The following GTPBP4 variants were observed in gnomAD, a reference collection of about 807,000 sequenced individuals.
GTPBP4 encodes GTP binding protein 4.
A neutral mutation model predicts 81.7 loss-of-function variants in GTPBP4; 15 were observed. The observed-to-expected ratio is 0.18, with a 90% confidence interval of 0.12 to 0.28. The LOEUF is 0.28. Ranked by LOEUF, GTPBP4 falls within the 10% of genes least tolerant of loss-of-function variation. The pLI, the probability that GTPBP4 is intolerant of heterozygous loss-of-function variation, is 1.00. For synonymous variants in GTPBP4, 272 were observed against 274.6 expected (o/e 0.99, Z 0.09); for missense variants, 847 against 793.8 (o/e 1.07, Z -0.81).
At chr10:994,770 A>G (rs1476607340) in intron 2 of GTPBP4, among the ~76,000 whole-genome samples, 1 of 152,222 alleles carries the variant, frequency 6.6e-6, no homozygotes, top group African/African-American at 2.4e-5. Context: ...AGCCAGGACT[A>G]GTTATCTGAG....
At chr10:1,009,074 G>C (rs777951671) in intron 11 of GTPBP4, 39 bp downstream of exon 11, 17 of 1,456,054 alleles carry the variant, frequency 1.2e-5, no homozygotes, top group Middle Eastern at 1.8e-4. Flanking sequence ...TCTCATGGGG[G>C]GAGGCAGGCT....
chr10:990,905 C>T lies in GTPBP4; in HGVS notation c.49-1584C>T, dbSNP rs552044236. Among the ~76,000 whole-genome samples the T allele has an allele frequency of 7.3e-5, 11 of 151,624 alleles. No individual in the cohort carries two copies. The East Asian group carries it at 1.2e-3, about 16-fold the overall frequency. On this transcript the variant is annotated intron_variant, in intron 1 of 16. Coordinates refer to ENST00000360803, the MANE Select transcript of GTPBP4 (RefSeq NM_012341.3). ...AGTAGGTAACCTTTGACTTGGTCCCCCTTCAGGATGTGCGAACGGCATTAG... is the reference window on the plus strand; with the variant it reads ...AGTAGGTAACCTTTGACTTGGTCCCTCTTCAGGATGTGCGAACGGCATTAG...
At position 1,010,996 on chromosome 10, in the gene GTPBP4, A is replaced by G. The variant is rs1047225887; in HGVS notation, c.1344+476A>G. On this transcript the variant is annotated intron_variant, in intron 13 of 16. Transcript: ENST00000360803. ...CCATCCTGACTGTGCCTCCTGCACC[A>G]CCTTCCCCCCCACCCTGTGTCTCCG... Among the ~76,000 whole-genome samples the G allele has an allele frequency of 2.0e-4, 17 of 85,802 alleles. 1 individual carries two copies. The highest frequency in any genetic ancestry group is 6.5e-4 in the African/African-American group (17 of 26,320). 56.3% of individuals were successfully genotyped at this position (85,802 alleles called of 152,430 possible). A position where few individuals can be genotyped will look rare whatever the true frequency, so the allele number is the denominator to read the frequency against.
At position 1,000,774 on chromosome 10, in the gene GTPBP4, T is replaced by C. The variant is rs771760007; in HGVS notation, c.752T>C (p.Val251Ala). 7.4e-5 allele frequency: 119 copies of C among 1,610,198 alleles called. No homozygotes were observed. Among genetic ancestry groups the C allele is most frequent in the Non-Finnish European group, 9.8e-5 (115 of 1,178,104 alleles). Residue 251 changes from valine to alanine, a missense_variant, in exon 7 of 17, where the codon GTC becomes GCC. Around this residue, in one of 3 missense-constraint regions of GTPBP4, gnomAD observed 600 missense variants for 557.1 expected, o/e 1.08. Coordinates refer to ENST00000360803, the MANE Select transcript of GTPBP4 (RefSeq NM_012341.3). ...GCCCTGGCCCACCTCCGTGCTGCGGTCCTGTATGTGATGGATTTGTCTGAG... is the reference window on the plus strand; with the variant it reads ...GCCCTGGCCCACCTCCGTGCTGCGGCCCTGTATGTGATGGATTTGTCTGAG... Reference protein sequence around the residue: ...ITALAHLRAAVLYVMDLSEQC... With the variant: ...ITALAHLRAAALYVMDLSEQC...
intron 1 of GTPBP4, among the ~76,000 whole-genome samples, chr10:991,899 G>A (rs1210025674): frequency 6.8e-6 from 1 of 147,162 alleles, no homozygotes; most frequent in African/African-American, 2.5e-5. Flanking sequence ...GTTTCACCGT[G>A]TTAGCCAGGA....
In GTPBP4 at chr10:1,000,987, A is replaced by G. The variant is rs1831620742; in HGVS notation, c.886A>G (p.Ile296Val). 5.0e-6 allele frequency: 8 copies of G among 1,609,850 alleles called. No homozygotes were observed. The highest frequency in any genetic ancestry group is 6.0e-6 in the Non-Finnish European group (7 of 1,176,094). Residue 296 changes from isoleucine to valine, a missense_variant, in exon 8 of 17, where the codon ATA (isoleucine) becomes GTA (valine). Ile to Val is a conservative substitution (Grantham distance 29). Around this residue, in one of 3 missense-constraint regions of GTPBP4, gnomAD observed 600 missense variants for 557.1 expected, o/e 1.08. Transcript: ENST00000360803. ...VVANKCDVKR[I>V]AELSEDDQKI... ...AGCCAACAAATGTGATGTGAAGAGA[A>G]TAGCTGAACTTTCTGAAGATGATCA... is the stretch of plus-strand genomic sequence containing the variant.
intron 13 of GTPBP4, 64 bp from the exon 14 acceptor site, chr10:1,012,395 TCTGCCA>T: frequency 9.4e-7 from 1 of 1,069,258 alleles, no homozygotes; most frequent in Middle Eastern, 2.5e-4. Context: ...CCATACACAC[TCTGCCA>T]CACTCACTGA....
At chr10:1,006,836 C>G (rs991100457) in intron 9 of GTPBP4, among the ~76,000 whole-genome samples, 182 bp from the exon 10 acceptor site, 3 of 152,162 alleles carry the variant, frequency 2.0e-5, no homozygotes, top group Non-Finnish European at 4.4e-5. Context: ...GGCCCAGGCA[C>G]TGGAGATGCA....
chr10:998,226 A>C (rs1226686703), intron 5 of GTPBP4, among the ~76,000 whole-genome samples: 2 of 151,976 alleles, frequency 1.3e-5, no homozygotes, highest in Non-Finnish European at 2.9e-5. Flanking sequence ...CAGCCACCCA[A>C]GTAGCTGGGA....
Position 1,009,706 on chromosome 10 carries a change from G to A in GTPBP4, c.1243+126G>A, listed in dbSNP as rs1341422236. ...CCTATTTGTCAACTTTTAATTTCTT[G>A]AAGATTAAAAGTTGCATCCTGAGGG... On this transcript the variant is annotated intron_variant, in intron 12 of 16. Transcript: ENST00000360803. The A allele has an allele frequency of 1.1e-5, 8 of 717,318 alleles. No individual in the cohort carries two copies. The East Asian group carries it at 1.6e-4, about 14-fold the overall frequency. The allele number at this position is 717,318 out of a possible 1,614,324, so 44.4% of individuals were successfully genotyped here.
At chr10:1,016,221 G>C (rs76142411) in intron 16 of GTPBP4, among the ~76,000 whole-genome samples, 2 of 38,426 alleles carry the variant, frequency 5.2e-5, no homozygotes, top group Non-Finnish European at 1.3e-4. Flanking sequence ...TGAGCACCAG[G>C]AGGCCTCAAG....
intron 6 of GTPBP4, 124 bp from the exon 7 acceptor site, chr10:1,000,553 T>C: frequency 4.1e-6 from 2 of 487,346 alleles, no homozygotes; most frequent in Non-Finnish European, 6.8e-6. Flanking sequence ...TTTTTTTTTT[T>C]TAACTACAAT....
At chr10:1,000,315 G>C (rs1831603675) in intron 6 of GTPBP4, among the ~76,000 whole-genome samples, 1 of 135,398 alleles carries the variant, frequency 7.4e-6, no homozygotes, top group Non-Finnish European at 1.5e-5. Context: ...TTGGCTCACT[G>C]CAAGCTCCGC....
intron 13 of GTPBP4, among the ~76,000 whole-genome samples, chr10:1,010,841 C>CACCCCGA (rs1554817017): frequency 1.1e-4 from 5 of 45,148 alleles, no homozygotes; most frequent in African/African-American, 3.9e-4. Context: ...TTCCCTGTCC[C>CACCCCGA]GACACTGGTG....
chr10:988,488 T>G lies in GTPBP4; in HGVS notation c.9T>G (p.His3Gln), dbSNP rs1039461591. The G allele has an allele frequency of 3.7e-6, 6 of 1,613,204 alleles. No homozygotes were observed. The highest frequency in any genetic ancestry group is 5.1e-6 in the Non-Finnish European group (6 of 1,179,698). The change falls in exon 1 of 17, where the codon CAT becomes CAG. Residue 3 changes from histidine (H) to glutamine (Q), a missense_variant. By Grantham distance (24) the His-to-Gln change is conservative (BLOSUM62 0). Transcript: ENST00000360803. MA[H>Q]YNFKKITVVP... The stretch of plus-strand genomic sequence containing the variant: ...TGCATACGGCTGCCGGCATGGCACA[T>G]TACAACTTCAAGAAAATTACGGTGG...
At position 997,191 on chromosome 10, in the gene GTPBP4, A is replaced by G; in HGVS notation, c.461-17A>G. On this transcript the variant is annotated splice_polypyrimidine_tract_variant and intron_variant, in intron 4 of 16. Transcript: ENST00000360803. Reference sequence around the variant, plus strand: ...AAACTTTGAATTTCTTAATTTTTCAATTTGAACTTTTCCTAGTGCGTCAGC... The same window carrying G: ...AAACTTTGAATTTCTTAATTTTTCAGTTTGAACTTTTCCTAGTGCGTCAGC... 1 of 1,407,190 alleles carries G rather than the reference A, an allele frequency of 7.1e-7. No homozygotes were observed. Among genetic ancestry groups the G allele is most frequent in the Non-Finnish European group, 1.0e-6 (1 of 998,866 alleles). 87.2% of individuals were successfully genotyped at this position (1,407,190 alleles called of 1,614,324 possible).
intron 10 of GTPBP4, chr10:1,007,927 A>G: frequency 1.9e-6 from 1 of 517,596 alleles, no homozygotes; most frequent in South Asian, 1.4e-5. Context: ...CTGATTTGTT[A>G]CTTTTGTATT....
In GTPBP4 at chr10:991,942, G is replaced by A. The variant is rs1412747638; in HGVS notation, c.49-547G>A. Among the ~76,000 whole-genome samples the A allele has an allele frequency of 1.1e-4, 16 of 149,544 alleles. No individual in the cohort carries two copies. In the East Asian group the frequency reaches 1.6e-3, roughly 15 times the overall value. On this transcript the variant is annotated intron_variant, in intron 1 of 16. Coordinates refer to ENST00000360803, the MANE Select transcript of GTPBP4 (RefSeq NM_012341.3). ...GATCTCCTGACCTCGTGATCCGCCC[G>A]CCTCAGCCTCCCAAAGTGCTGGGAT...
Position 1,010,460 on chromosome 10 carries a change from G to C in GTPBP4, c.1284G>C (p.Lys428Asn). The C allele has an allele frequency of 1.5e-5, 23 of 1,582,834 alleles. No individual in the cohort carries two copies. Among genetic ancestry groups the C allele is most frequent in the Non-Finnish European group, 2.0e-5 (23 of 1,151,588 alleles). The part of the protein sequence containing the change: ...DLMNLSEKHD[K>N]IPEIWEGHNI... ...TGAATTTGTCTGAAAAACATGATAAGATACCAGAAATCTGGGAAGGCCATA... is the reference window on the plus strand; with the variant it reads ...TGAATTTGTCTGAAAAACATGATAACATACCAGAAATCTGGGAAGGCCATA... Residue 428 changes from lysine (K) to asparagine (N), a missense_variant, in exon 13 of 17, where the codon AAG becomes AAC. By Grantham distance (94) the Lys-to-Asn change is moderately conservative. This residue lies in a region of GTPBP4 where 600 missense variants were observed against 557.1 expected (regional missense o/e 1.08). Coordinates refer to ENST00000360803, the MANE Select transcript of GTPBP4 (RefSeq NM_012341.3).
Sources: allele counts gnomAD v4.1 joint callset (sites outside exome capture counted in the v4.1 genomes callset), GRCh38; gene constraint gnomAD v4.1.1; regional missense constraint gnomAD v4.1.1; transcripts MANE v1.5; gene names NCBI Gene and HGNC (gene_info 2026-07-23, HGNC 2026-07-21).